ZSWIM5: variants seen among roughly 807,000 people sequenced by gnomAD.
The protein encoded by ZSWIM5 is zinc finger SWIM-type containing 5.
A neutral mutation model predicts 119.6 loss-of-function variants in ZSWIM5; 55 were observed. The ratio of observed to expected loss-of-function variants is 0.46; its 90% confidence interval spans 0.37 to 0.58. The LOEUF (loss-of-function observed/expected upper bound fraction) is 0.58. Ranked by LOEUF, ZSWIM5 falls within the 20% of genes least tolerant of loss-of-function variation. The probability of loss-of-function intolerance (pLI) is 0.00; values close to 1 mark genes in which losing one functional copy is unlikely to be tolerated. For missense variants in ZSWIM5, 1,193 were observed against 1,512.8 expected (o/e 0.79, Z 3.51); for synonymous variants, 537 against 606.9 (o/e 0.88, Z 1.69).
At chr1:45,093,704 C>T (rs1186894615) in intron 1 of ZSWIM5, among the ~76,000 whole-genome samples, 1 of 152,162 alleles carries the variant, frequency 6.6e-6, no homozygotes, top group African/African-American at 2.4e-5. Context: ...AACCTAGCAA[C>T]ATTTTTTAAA....
At chr1:45,163,477 T>C (rs1350861631) in intron 1 of ZSWIM5, among the ~76,000 whole-genome samples, 1 of 152,152 alleles carries the variant, frequency 6.6e-6, no homozygotes, top group Non-Finnish European at 1.5e-5. Context: ...GAGAATGACT[T>C]TGACGAGTTG....
At chr1:45,199,658 T>G (rs1332710265) in intron 1 of ZSWIM5, among the ~76,000 whole-genome samples, 2 of 152,102 alleles carry the variant, frequency 1.3e-5, no homozygotes, top group Non-Finnish European at 2.9e-5. Flanking sequence ...ATCACTCCAT[T>G]ATAAGGAACA....
chr1:45,186,254 A>G (rs150439697), intron 1 of ZSWIM5, among the ~76,000 whole-genome samples: 19,511 of 85,118 alleles, frequency 0.23, 1,607 homozygotes, highest in African/African-American at 0.27. Context: ...ACTGTTGTGC[A>G]GTGGGGGGAG....
intron 8 of ZSWIM5, among the ~76,000 whole-genome samples, chr1:45,038,083 G>A (rs927459996): frequency 7.2e-5 from 11 of 152,242 alleles, no homozygotes; most frequent in Non-Finnish European, 4.4e-5. Context: ...GTAGATATAT[G>A]TATACAGTAA....
At chr1:45,089,844 C>T (rs1645354030) in intron 1 of ZSWIM5, among the ~76,000 whole-genome samples, 4 of 152,136 alleles carry the variant, frequency 2.6e-5, no homozygotes, top group Middle Eastern at 3.4e-3. Flanking sequence ...TATGGTGGCA[C>T]GTGCCTGTAG....
chr1:45,036,713 G>T (rs951856808), intron 8 of ZSWIM5, among the ~76,000 whole-genome samples: 1 of 152,002 alleles, frequency 6.6e-6, no homozygotes, highest in Non-Finnish European at 1.5e-5. Flanking sequence ...GCTATCATAG[G>T]GAAGCTGAAT....
chr1:45,082,873 AAGAC>A (rs1310657936), intron 2 of ZSWIM5, among the ~76,000 whole-genome samples: 1 of 152,158 alleles, frequency 6.6e-6, no homozygotes, highest in Non-Finnish European at 1.5e-5. Flanking sequence ...TGTGGTGAAA[AAGAC>A]AGGCCAATAC....
At chr1:45,202,707 T>C (rs1319914455) in intron 1 of ZSWIM5, among the ~76,000 whole-genome samples, 1 of 152,092 alleles carries the variant, frequency 6.6e-6, no homozygotes, top group African/African-American at 2.4e-5. Flanking sequence ...ATAACATTTC[T>C]GTGTTTAAGT....
chr1:45,020,761 AG>A lies in ZSWIM5; in HGVS notation c.2476del (p.Leu826TrpfsTer47). ...KGDTLRLRTI[L>X]EAIQKHIHSS... ...ATGAATGTGCTTCTGTATTGCTTCC[AG>A]AATTGTTCGGAGTCTCAAAGTGTCT... On this transcript the variant is annotated frameshift_variant, in exon 12 of 14. Transcript: ENST00000359600. LOFTEE classifies it high-confidence loss of function. 1.2e-6 allele frequency: 2 copies of A among 1,614,166 alleles called. No individual in the cohort carries two copies. Among genetic ancestry groups the A allele is most frequent in the Non-Finnish European group, 1.7e-6 (2 of 1,180,014 alleles).
intron 7 of ZSWIM5, among the ~76,000 whole-genome samples, chr1:45,039,878 G>A (rs1431611309): frequency 1.3e-5 from 2 of 151,918 alleles, no homozygotes; most frequent in Non-Finnish European, 1.5e-5. Flanking sequence ...CTAATTTTTT[G>A]TATTTTTAGT....
intron 2 of ZSWIM5, among the ~76,000 whole-genome samples, chr1:45,083,642 T>C (rs1384522726): frequency 6.6e-6 from 1 of 152,234 alleles, no homozygotes; most frequent in Non-Finnish European, 1.5e-5. Flanking sequence ...ACTACTCTAT[T>C]ATACAGGCCA....
chr1:45,136,180 T>G (rs1215872960), intron 1 of ZSWIM5, among the ~76,000 whole-genome samples: 1 of 152,138 alleles, frequency 6.6e-6, no homozygotes, highest in Non-Finnish European at 1.5e-5. Flanking sequence ...GAAGTCTTGG[T>G]AGGGCTTTTT....
chr1:45,185,244 T>C (rs1384966322), intron 1 of ZSWIM5, among the ~76,000 whole-genome samples: 25 of 150,944 alleles, frequency 1.7e-4, no homozygotes, highest in Non-Finnish European at 3.0e-4. Flanking sequence ...TATACAAAAA[T>C]TAATTCAAGA....
intron 1 of ZSWIM5, among the ~76,000 whole-genome samples, chr1:45,182,111 G>A (rs1026872027): frequency 3.3e-5 from 5 of 152,194 alleles, no homozygotes; most frequent in Non-Finnish European, 5.9e-5. Flanking sequence ...TGGACTAAAT[G>A]CTCCAATTAA....
chr1:45,137,444 G>A (rs1350798009), intron 1 of ZSWIM5, among the ~76,000 whole-genome samples: 2 of 152,098 alleles, frequency 1.3e-5, no homozygotes, highest in Non-Finnish European at 2.9e-5. Flanking sequence ...CAGTATATTA[G>A]AAGACAACTG....
In ZSWIM5 at chr1:45,097,628, C is replaced by A. The variant is rs375149294; in HGVS notation, c.596-9391G>T. Among the ~76,000 whole-genome samples, 152 of 152,262 alleles carry A rather than the reference C, an allele frequency of 1.0e-3. 3 individuals are homozygous for A. The highest frequency in any genetic ancestry group is 6.8e-3 in the Middle Eastern group (2 of 294). ...AATTATTATAAAATGATCATAATTT[C>A]ACATTCTGAAACAATGTTGGGCTTT... On this transcript the variant is annotated intron_variant, in intron 1 of 13. Coordinates refer to ENST00000359600, the MANE Select transcript of ZSWIM5 (RefSeq NM_020883.2).
intron 1 of ZSWIM5, among the ~76,000 whole-genome samples, chr1:45,147,566 T>C (rs536609353): frequency 1.5e-5 from 2 of 137,264 alleles, no homozygotes; most frequent in Admixed American, 1.5e-4. Flanking sequence ...CCATTGTTAG[T>C]TAAGTGGTTT....
chr1:45,022,677 C>T (rs113742793), intron 11 of ZSWIM5, among the ~76,000 whole-genome samples: 6 of 152,146 alleles, frequency 3.9e-5, no homozygotes, highest in African/African-American at 1.4e-4. Context: ...CCCATATATC[C>T]CCTATTATTA....
chr1:45,118,969 A>G (rs1645575773), intron 1 of ZSWIM5, among the ~76,000 whole-genome samples: 2 of 152,118 alleles, frequency 1.3e-5, no homozygotes, highest in Admixed American at 6.5e-5. Context: ...TAGTACAATA[A>G]AAGAATTAAA....
Sources: gnomAD v4.1 joint callset for allele counts (sites outside exome capture counted in the v4.1 genomes callset) on GRCh38, gnomAD v4.1.1 for gene constraint, MANE v1.5 for transcripts, NCBI Gene and HGNC (gene_info 2026-07-23, HGNC 2026-07-21) for gene names.